Variants in NIPBL observed in about 807,000 individuals in gnomAD.
NIPBL encodes nipped-B-like protein.
NIPBL carries 19 observed loss-of-function variants against 321.8 expected under a neutral mutation model. That is an observed-to-expected ratio of 0.06 (90% CI 0.04 to 0.09). NIPBL has a LOEUF of 0.09. NIPBL is among the 10% of genes least tolerant of loss of function. NIPBL has a pLI of 1.00. For missense variants in NIPBL, 2,210 were observed against 3,327.0 expected (o/e 0.66, Z 8.26); for synonymous variants, 1,106 against 1,114.1 (o/e 0.99, Z 0.14).
At chr5:36,898,876 A>G (rs1234252294) in intron 1 of NIPBL, among the ~76,000 whole-genome samples, 1 of 152,178 alleles carries the variant, frequency 6.6e-6, no homozygotes, top group Non-Finnish European at 1.5e-5. Flanking sequence ...TTTAATTGGC[A>G]TACTATATTG....
rs924301223 is a variant in NIPBL, at chr5:37,044,576, G to C, written c.6250-60G>C. 3.2e-6 allele frequency: 5 copies of C among 1,572,110 alleles called. No homozygotes were observed. In the African/African-American group the frequency reaches 6.9e-5, roughly 22 times the overall value. ...TTTTTAAAGCAAATATTTGTAAAAA[G>C]CTAAGTTTTTAAAATAGTATATTTT... On this transcript the variant is annotated intron_variant, in intron 35 of 46. Transcript: ENST00000282516.
At chr5:36,999,287 A>G (rs1358264125) in intron 11 of NIPBL, among the ~76,000 whole-genome samples, 2 of 152,220 alleles carry the variant, frequency 1.3e-5, no homozygotes, top group African/African-American at 4.8e-5. Flanking sequence ...TTCAGAAAAG[A>G]GCAGTTGCTA....
chr5:36,895,973 G>C (rs1746700961), intron 1 of NIPBL, among the ~76,000 whole-genome samples: 1 of 152,078 alleles, frequency 6.6e-6, no homozygotes, highest in Admixed American at 6.5e-5. Context: ...GATCTCTATT[G>C]TTTTCCTTTG....
chr5:36,987,937 A>C (rs1385226095), intron 10 of NIPBL, among the ~76,000 whole-genome samples: 2 of 152,092 alleles, frequency 1.3e-5, no homozygotes, highest in Non-Finnish European at 2.9e-5. Context: ...AAAGTTTGGG[A>C]GTAGCTTATA....
chr5:36,938,237 G>C (rs1738670232), intron 1 of NIPBL, among the ~76,000 whole-genome samples: 2 of 152,050 alleles, frequency 1.3e-5, no homozygotes, highest in Admixed American at 1.3e-4. Context: ...GAAGGGTTGA[G>C]AGACTGTAGT....
At position 36,979,173 on chromosome 5, in the gene NIPBL, T is replaced by C. The variant is rs550073246; in HGVS notation, c.1495+2771T>C. On this transcript the variant is annotated intron_variant, in intron 9 of 46. Coordinates refer to ENST00000282516, the MANE Select transcript of NIPBL (RefSeq NM_133433.4). ...ATAGTGTTGAATCTGTAGATTACTT[T>C]GGGCAGTATAGTCAGTTTTAACAAT... is the stretch of plus-strand genomic sequence containing the variant. Among the ~76,000 whole-genome samples, 11 of 152,184 alleles carry C rather than the reference T, an allele frequency of 7.2e-5. 2 individuals are homozygous for C. In the South Asian group the frequency reaches 2.3e-3, roughly 32 times the overall value.
At chr5:37,056,140 T>C (rs1754067527) in intron 42 of NIPBL, among the ~76,000 whole-genome samples, 1 of 152,184 alleles carries the variant, frequency 6.6e-6, no homozygotes, top group South Asian at 2.1e-4. Flanking sequence ...TGAATTATAG[T>C]GTTAAAACTA....
At chr5:37,053,424 A>G (rs182369025) in intron 42 of NIPBL, among the ~76,000 whole-genome samples, 1 of 152,340 alleles carries the variant, frequency 6.6e-6, no homozygotes, top group African/African-American at 2.4e-5. Flanking sequence ...GGTTTTTCCA[A>G]TACATACAAA....
At chr5:36,975,682 G>T in intron 8 of NIPBL, 94 bp from the exon 9 acceptor site, 1 of 1,159,494 alleles carries the variant, frequency 8.6e-7, no homozygotes, top group South Asian at 1.4e-5. Context: ...TTTTTTTCTA[G>T]TATTACTATA....
intron 32 of NIPBL, among the ~76,000 whole-genome samples, chr5:37,033,685 T>TACACACACACACACAC (rs372949399): frequency 2.2e-4 from 14 of 64,994 alleles, no homozygotes; most frequent in Non-Finnish European, 3.2e-4. Context: ...TATATGTACA[T>TACACACACACACACAC]ACACACACAC....
intron 1 of NIPBL, among the ~76,000 whole-genome samples, chr5:36,889,573 A>G (rs1047427142): frequency 2.0e-5 from 3 of 152,162 alleles, no homozygotes; most frequent in Non-Finnish European, 2.9e-5. Context: ...AATCACATAT[A>G]ATTTACAATA....
chr5:37,052,944 A>G (rs1753724587), intron 42 of NIPBL, among the ~76,000 whole-genome samples: 1 of 152,194 alleles, frequency 6.6e-6, no homozygotes, highest in African/African-American at 2.4e-5. Context: ...TAGTTGTTCA[A>G]CTTGATTTCC....
intron 6 of NIPBL, among the ~76,000 whole-genome samples, chr5:36,968,244 G>T (rs546411611): frequency 4.9e-4 from 75 of 151,954 alleles, no homozygotes; most frequent in South Asian, 4.8e-3. Context: ...CTTTTAATAG[G>T]TCTCAAAAGA....
intron 24 of NIPBL, 44 bp downstream of exon 24, chr5:37,017,206 A>G: frequency 2.6e-6 from 4 of 1,531,472 alleles, no homozygotes; most frequent in Non-Finnish European, 3.6e-6. Context: ...AATAATAGTT[A>G]TTTTCTTTGC....
chr5:36,967,588 G>A (rs1225060596), intron 6 of NIPBL, among the ~76,000 whole-genome samples: 1 of 152,094 alleles, frequency 6.6e-6, no homozygotes, highest in Non-Finnish European at 1.5e-5. Context: ...TATGAGAAAG[G>A]AAAATTATAA....
chr5:36,999,010 A>C (rs1047331710), intron 11 of NIPBL, among the ~76,000 whole-genome samples: 2 of 152,206 alleles, frequency 1.3e-5, no homozygotes, highest in African/African-American at 4.8e-5. Flanking sequence ...AAGAGGAAAC[A>C]AAATGACCTT....
chr5:36,971,129 C>T (rs963092227), intron 7 of NIPBL, 93 bp downstream of exon 7: 61 of 963,504 alleles, frequency 6.3e-5, no homozygotes, highest in Non-Finnish European at 8.9e-5. Context: ...TGATACCTAC[C>T]GTATATCATT....
chr5:37,023,353 A>G (rs910034135), intron 29 of NIPBL, among the ~76,000 whole-genome samples: 4 of 152,210 alleles, frequency 2.6e-5, no homozygotes, highest in Non-Finnish European at 4.4e-5. Flanking sequence ...CACATAATGG[A>G]GATTAATAAT....
chr5:36,925,907 T>C (rs1230598413), intron 1 of NIPBL, among the ~76,000 whole-genome samples: 1 of 152,224 alleles, frequency 6.6e-6, no homozygotes, highest in Non-Finnish European at 1.5e-5. Flanking sequence ...CCCAAACTTC[T>C]AAGTCATGGA....
Sources: gnomAD v4.1 joint callset for allele counts (sites outside exome capture counted in the v4.1 genomes callset) on GRCh38, gnomAD v4.1.1 for gene constraint, MANE v1.5 for transcripts, NCBI Gene and HGNC (gene_info 2026-07-23, HGNC 2026-07-21) for gene names.